ZDHHC17: variants seen among roughly 807,000 people sequenced by gnomAD.
ZDHHC17 encodes zDHHC palmitoyltransferase 17, also known as palmitoyltransferase ZDHHC17.
ZDHHC17 carries 40 observed loss-of-function variants against 90.3 expected under a neutral mutation model. The observed-to-expected ratio is 0.44, with a 90% CI of 0.34 to 0.58. The LOEUF (loss-of-function observed/expected upper bound fraction) is 0.58. Among genes scored for constraint, ZDHHC17 ranks in the 20% least tolerant of loss-of-function variants. The pLI, the probability that ZDHHC17 is intolerant of heterozygous loss-of-function variation, is 0.01. For missense variants in ZDHHC17, 614 were observed against 780.8 expected, an observed-to-expected ratio of 0.79 and a Z score of 2.55; for synonymous variants, 235 against 252.4, an observed-to-expected ratio of 0.93 and a Z score of 0.65.
At chr12:76,791,028 G>T (rs993007391) in intron 1 of ZDHHC17, among the ~76,000 whole-genome samples, 1 of 152,030 alleles carries the variant, frequency 6.6e-6, no homozygotes, top group African/African-American at 2.4e-5. Context: ...TCCTGTTTTG[G>T]TCATTGTACA....
rs1235200050 is a variant in ZDHHC17, at chr12:76,853,172, T to C, written c.*2187T>C. The stretch of plus-strand genomic sequence containing the variant: ...GTAATTACATGGAAAATACTAGCAA[T>C]GTGAATGCTTTTGTAGTAACCATCT... On this transcript the variant is annotated 3_prime_UTR_variant, in exon 17 of 17. Coordinates refer to ENST00000426126, the MANE Select transcript of ZDHHC17 (RefSeq NM_015336.4). The C allele has an allele frequency of 6.6e-6, 1 of 152,176 alleles. No homozygotes were observed. Among genetic ancestry groups the C allele is most frequent in the Non-Finnish European group, 1.5e-5 (1 of 68,012 alleles). 9.4% of individuals were successfully genotyped at this position (152,176 alleles called of 1,614,324 possible). A position where few individuals can be genotyped will look rare whatever the true frequency, so the allele number is the denominator to read the frequency against.
chr12:76,809,820 A>G lies in ZDHHC17; in HGVS notation c.506A>G (p.His169Arg), dbSNP rs920994105. The G allele has an allele frequency of 2.5e-6, 4 of 1,611,520 alleles. No homozygotes were observed. Among genetic ancestry groups the G allele is most frequent in the African/African-American group, 1.3e-5 (1 of 74,944 alleles). ...ATTCATCTGGCTGCTCAGTTCGGAC[A>G]TACCTCAATTGTTGCTTATCTCATA... The part of the protein sequence containing the change: ...SCIHLAAQFG[H>R]TSIVAYLIAK... Residue 169 changes from histidine (H) to arginine (R), a missense_variant, in exon 5 of 17, where the codon CAT (histidine) becomes CGT (arginine). By Grantham distance (29) the His-to-Arg change is conservative. This residue lies in a region of ZDHHC17 where 358 missense variants were observed against 380.4 expected (regional missense o/e 0.94). Coordinates refer to ENST00000426126, the MANE Select transcript of ZDHHC17 (RefSeq NM_015336.4).
At chr12:76,781,638 G>A (rs570488647) in intron 1 of ZDHHC17, 201 of 456,082 alleles carry the variant, frequency 4.4e-4, no homozygotes, top group African/African-American at 3.6e-3. Flanking sequence ...GAATGGCCTT[G>A]CCAGATGTGG....
intron 1 of ZDHHC17, among the ~76,000 whole-genome samples, chr12:76,795,342 T>C (rs113656693): frequency 4.6e-5 from 7 of 152,176 alleles, no homozygotes; most frequent in African/African-American, 1.7e-4. Flanking sequence ...CTCTTTAACG[T>C]TGCACATGTC....
chr12:76,816,041 A>T, intron 7 of ZDHHC17, 22 bp downstream of exon 7: 1 of 1,449,620 alleles, frequency 6.9e-7, no homozygotes, highest in Admixed American at 2.9e-5. Context: ...CTATATTGAT[A>T]ATACTGTATG....
intron 9 of ZDHHC17, 125 bp downstream of exon 9, chr12:76,827,175 CTG>C: frequency 9.0e-7 from 1 of 1,112,568 alleles, no homozygotes; most frequent in Non-Finnish European, 1.2e-6. Flanking sequence ...ATTTAGACAT[CTG>C]TATGTGAAAT....
intron 1 of ZDHHC17, among the ~76,000 whole-genome samples, chr12:76,786,558 T>C (rs1952690357): frequency 3.3e-5 from 5 of 152,162 alleles, no homozygotes; most frequent in Admixed American, 2.0e-4. Context: ...GCCTGGCCTT[T>C]TTAATTTTTA....
intron 1 of ZDHHC17, among the ~76,000 whole-genome samples, chr12:76,776,989 C>T (rs1217402324): frequency 6.6e-6 from 1 of 152,264 alleles, no homozygotes; most frequent in East Asian, 1.9e-4. Flanking sequence ...AGAAATAACA[C>T]GGAGAGATCT....
chr12:76,797,655 T>A lies in ZDHHC17; in HGVS notation c.197+118T>A, dbSNP rs1952836678. The A allele has an allele frequency of 6.7e-6, 5 of 744,584 alleles. No homozygotes were observed. In the South Asian group the frequency reaches 1.5e-4, roughly 22 times the overall value. 46.1% of individuals were successfully genotyped at this position (744,584 alleles called of 1,614,324 possible). On this transcript the variant is annotated intron_variant, in intron 2 of 16. Transcript: ENST00000426126. ...CAGTATATCTCAATTAAAAAATTAGTTTATGGGCCGGTTGCGGTGGCTCAC... is the reference window on the plus strand; with the variant it reads ...CAGTATATCTCAATTAAAAAATTAGATTATGGGCCGGTTGCGGTGGCTCAC...
At chr12:76,814,497 A>G (rs1953060707) in intron 5 of ZDHHC17, among the ~76,000 whole-genome samples, 1 of 152,012 alleles carries the variant, frequency 6.6e-6, no homozygotes, top group Non-Finnish European at 1.5e-5. Flanking sequence ...AAAGAGAAAA[A>G]TTCAGATTTT....
chr12:76,789,000 C>T (rs1393101409), intron 1 of ZDHHC17, among the ~76,000 whole-genome samples: 1 of 151,984 alleles, frequency 6.6e-6, no homozygotes, highest in African/African-American at 2.4e-5. Flanking sequence ...CCCAGCAAGT[C>T]TTTCTTACTC....
Position 76,815,932 on chromosome 12 carries a change from T to C in ZDHHC17, c.684T>C (p.Ala228=). 6.3e-7 allele frequency: 1 copy of C among 1,583,806 alleles called. No homozygotes were observed. The highest frequency in any genetic ancestry group is 8.6e-7 in the Non-Finnish European group (1 of 1,163,094). Residue 228 remains alanine, a synonymous_variant, in exon 7 of 17, where the codon GCT becomes GCC. Transcript: ENST00000426126. ...NLGDKYHKNT[A]LHWAVLAGNT... ...GTGACAAGTATCACAAAAACACTGC[T>C]CTGCATTGGGCAGTGCTAGCAGGGA... is the stretch of plus-strand genomic sequence containing the variant.
intron 8 of ZDHHC17, among the ~76,000 whole-genome samples, chr12:76,825,942 G>A (rs6539705): frequency 0.6 from 91,009 of 151,812 alleles, 27,329 homozygotes; most frequent in East Asian, 0.67. Context: ...AGGCTCCCGA[G>A]TAGCTGGGAT....
rs193081177 is a variant in ZDHHC17, at chr12:76,771,928, C to T, written c.93+7599C>T. On this transcript the variant is annotated intron_variant, in intron 1 of 16. Coordinates refer to ENST00000426126, the MANE Select transcript of ZDHHC17 (RefSeq NM_015336.4). ...AAATCAAACACAACTGGAACCTGAG[C>T]TGAGAATGCCACCAAAACTCTCTTA... Among the ~76,000 whole-genome samples the T allele has an allele frequency of 1.5e-3, 230 of 152,296 alleles. 1 individual carries two copies. The highest frequency in any genetic ancestry group is 2.4e-3 in the Non-Finnish European group (163 of 68,022).
At chr12:76,812,804 G>T (rs1320804164) in intron 5 of ZDHHC17, among the ~76,000 whole-genome samples, 1 of 151,806 alleles carries the variant, frequency 6.6e-6, no homozygotes, top group Non-Finnish European at 1.5e-5. Context: ...TTTTGTTTTA[G>T]TTATATTGTT....
At chr12:76,832,238 T>A (rs1208136138) in intron 10 of ZDHHC17, among the ~76,000 whole-genome samples, 1 of 152,326 alleles carries the variant, frequency 6.6e-6, no homozygotes, top group Non-Finnish European at 1.5e-5. Context: ...TTATAATATA[T>A]GGTGCTGATT....
intron 1 of ZDHHC17, among the ~76,000 whole-genome samples, chr12:76,770,993 A>G (rs1048082013): frequency 6.6e-5 from 10 of 152,106 alleles, no homozygotes; most frequent in African/African-American, 2.2e-4. Flanking sequence ...ATAATCCGAA[A>G]AGATGTTTCA....
intron 1 of ZDHHC17, among the ~76,000 whole-genome samples, chr12:76,776,606 C>G (rs11115327): frequency 0.011 from 1,681 of 152,270 alleles, 11 homozygotes; most frequent in Non-Finnish European, 0.017. Context: ...TTTGTAGTGT[C>G]TGGACCTGCA....
At position 76,797,450 on chromosome 12, in the gene ZDHHC17, G is replaced by A; in HGVS notation, c.110G>A (p.Ser37Asn). ...LLHPEEIKPQ[S>N]HYNHGYGEPL... is the part of the protein sequence containing the mutation. The stretch of plus-strand genomic sequence containing the variant: ...TTTTAACAGGAAATCAAACCCCAAA[G>A]CCATTATAACCATGGATATGGTGAA... The change falls in exon 2 of 17, where the codon AGC becomes AAC. Residue 37 changes from serine to asparagine, a missense_variant. Coordinates refer to ENST00000426126, the MANE Select transcript of ZDHHC17 (RefSeq NM_015336.4). The A allele has an allele frequency of 1.2e-6, 2 of 1,603,758 alleles. No homozygotes were observed. The highest frequency in any genetic ancestry group is 8.5e-7 in the Non-Finnish European group (1 of 1,175,342).
Sources: gnomAD v4.1 joint callset for allele counts (sites outside exome capture counted in the v4.1 genomes callset) on GRCh38, gnomAD v4.1.1 for gene constraint, gnomAD v4.1.1 regional missense constraint, MANE v1.5 for transcripts, NCBI Gene and HGNC (gene_info 2026-07-23, HGNC 2026-07-21) for gene names.